The following NAV2 variants were observed in gnomAD, a reference collection of about 807,000 sequenced individuals.
NAV2 encodes neuron navigator 2.
In NAV2, 54 loss-of-function variants were observed where a neutral mutation model predicts 223.2. The observed-to-expected ratio is 0.24, with a 90% CI of 0.19 to 0.30. The LOEUF is 0.30. NAV2 is among the 10% of genes least tolerant of loss of function. The pLI is 1.00. For missense variants in NAV2, 2,806 were observed against 3,147.5 expected, an observed-to-expected ratio of 0.89 and a Z score of 2.60; for synonymous variants, 1,279 against 1,239.3, an observed-to-expected ratio of 1.03 and a Z score of -0.67.
At chr11:19,932,925 T>C (rs1460060737) in intron 6 of NAV2, among the ~76,000 whole-genome samples, 1 of 152,244 alleles carries the variant, frequency 6.6e-6, no homozygotes, top group Non-Finnish European at 1.5e-5. Context: ...TGTTAAGACC[T>C]GCATGCTTTC....
intron 3 of NAV2, among the ~76,000 whole-genome samples, chr11:19,849,649 T>C (rs955812252): frequency 6.6e-6 from 1 of 152,250 alleles, no homozygotes; most frequent in Non-Finnish European, 1.5e-5. Flanking sequence ...TCTGAGATCC[T>C]TGGGCAGCTG....
chr11:20,035,552 C>T (rs1398000264), intron 11 of NAV2, among the ~76,000 whole-genome samples: 2 of 152,088 alleles, frequency 1.3e-5, no homozygotes, highest in African/African-American at 4.8e-5. Context: ...TGCCCTCTGA[C>T]CCGACAGGTG....
intron 1 of NAV2, among the ~76,000 whole-genome samples, chr11:19,429,521 T>C (rs559094415): frequency 1.1e-3 from 161 of 152,272 alleles, no homozygotes; most frequent in African/African-American, 3.6e-3. Flanking sequence ...TCTTCTCTAA[T>C]AGGAGGAAGT....
At chr11:19,758,354 G>A (rs181899144) in intron 1 of NAV2, among the ~76,000 whole-genome samples, 234 of 152,326 alleles carry the variant, frequency 1.5e-3, no homozygotes, top group African/African-American at 5.3e-3. Context: ...TCTCTGAGGA[G>A]GGACTGTGTG....
chr11:19,724,076 A>G (rs2152382317), intron 1 of NAV2, among the ~76,000 whole-genome samples: 1 of 152,350 alleles, frequency 6.6e-6, no homozygotes, highest in Admixed American at 6.5e-5. Flanking sequence ...CTAGAGACTT[A>G]GGACATCTGA....
intron 1 of NAV2, among the ~76,000 whole-genome samples, chr11:19,620,470 C>T (rs1198598625): frequency 1.3e-5 from 2 of 152,080 alleles, no homozygotes; most frequent in African/African-American, 2.4e-5. Flanking sequence ...TGAAGAGGTC[C>T]TTCACATCCC....
chr11:19,660,046 CA>C (rs763330222), intron 1 of NAV2, among the ~76,000 whole-genome samples: 3 of 152,104 alleles, frequency 2.0e-5, no homozygotes, highest in Non-Finnish European at 4.4e-5. Context: ...TCCAGGCAAA[CA>C]ACTCTTGTTT....
intron 1 of NAV2, among the ~76,000 whole-genome samples, chr11:19,514,918 A>G (rs1245581548): frequency 6.6e-6 from 1 of 151,778 alleles, no homozygotes; most frequent in Admixed American, 6.6e-5. Context: ...CTAATCATCC[A>G]CCCTTCGTTT....
At chr11:19,479,852 G>T (rs1037611572) in intron 1 of NAV2, among the ~76,000 whole-genome samples, 1 of 152,122 alleles carries the variant, frequency 6.6e-6, no homozygotes, top group Non-Finnish European at 1.5e-5. Context: ...GTGCATGTGC[G>T]CACACACACT....
At chr11:19,816,883 G>T (rs1361714801) in intron 1 of NAV2, among the ~76,000 whole-genome samples, 1 of 152,142 alleles carries the variant, frequency 6.6e-6, no homozygotes, top group Non-Finnish European at 1.5e-5. Context: ...GGTGAAACCA[G>T]AGGAGGCTCC....
intron 1 of NAV2, among the ~76,000 whole-genome samples, chr11:19,425,283 G>A (rs558023095): frequency 6.6e-6 from 1 of 152,362 alleles, no homozygotes; most frequent in African/African-American, 2.4e-5. Context: ...TTGGAGAAGA[G>A]CAGAGCCAAT....
Position 20,051,312 on chromosome 11 carries a change from C to A in NAV2, c.4460C>A (p.Thr1487Asn). The A allele has an allele frequency of 6.2e-7, 1 of 1,614,154 alleles. No homozygotes were observed. The highest frequency in any genetic ancestry group is 8.5e-7 in the Non-Finnish European group (1 of 1,179,976). Reference protein sequence around the residue: ...QDSDPHLDRNTLPKKGLRYTP... With the variant: ...QDSDPHLDRNNLPKKGLRYTP... The stretch of plus-strand genomic sequence containing the variant: ...AGTGACCCGCACCTTGATAGGAACA[C>A]TTTGCCTAAGAAAGGACTCAGGTAT... Residue 1487 changes from threonine (T) to asparagine (N), a missense_variant, in exon 17 of 38, where the codon ACT (threonine) becomes AAT (asparagine). Thr to Asn is a moderately conservative substitution (Grantham distance 65). Coordinates refer to ENST00000349880, the MANE Select transcript of NAV2 (RefSeq NM_145117.5).
chr11:19,954,999 A>T (rs2047728822), intron 10 of NAV2, among the ~76,000 whole-genome samples: 2 of 151,248 alleles, frequency 1.3e-5, no homozygotes, highest in Admixed American at 6.6e-5. Flanking sequence ...GGGATAGGAA[A>T]GACAAAACCC....
At chr11:20,033,670 G>T (rs781211923) in intron 11 of NAV2, among the ~76,000 whole-genome samples, 2 of 152,190 alleles carry the variant, frequency 1.3e-5, no homozygotes, top group African/African-American at 4.8e-5. Context: ...CGATGTTCCA[G>T]GTTGGGTTTT....
chr11:20,006,604 G>C, intron 11 of NAV2, among the ~76,000 whole-genome samples: 1 of 152,124 alleles, frequency 6.6e-6, no homozygotes, highest in East Asian at 1.9e-4. Context: ...GAACCCGGGA[G>C]GCGGAGGTTG....
intron 22 of NAV2, among the ~76,000 whole-genome samples, chr11:20,070,504 A>T (rs111506524): frequency 5.1e-4 from 78 of 152,294 alleles, no homozygotes; most frequent in African/African-American, 1.7e-3. Flanking sequence ...TCAGAGTGAG[A>T]TCCCTTATAT....
At chr11:19,386,417 A>G (rs1211824560) in intron 1 of NAV2, among the ~76,000 whole-genome samples, 1 of 152,076 alleles carries the variant, frequency 6.6e-6, no homozygotes, top group Non-Finnish European at 1.5e-5. Context: ...CCCATCTCAT[A>G]TGGTTGATTT....
chr11:19,617,637 G>A (rs2046839104), intron 1 of NAV2, among the ~76,000 whole-genome samples: 1 of 152,216 alleles, frequency 6.6e-6, no homozygotes, highest in African/African-American at 2.4e-5. Context: ...ATGGTAAAGT[G>A]TGAGGGTACC....
At chr11:19,606,565 T>G (rs1010748323) in intron 1 of NAV2, among the ~76,000 whole-genome samples, 4 of 152,164 alleles carry the variant, frequency 2.6e-5, no homozygotes, top group Middle Eastern at 3.2e-3. Context: ...TCCTTGCCTT[T>G]CCTCTTGCTG....
Sources: allele counts gnomAD v4.1 joint callset (sites outside exome capture counted in the v4.1 genomes callset), GRCh38; gene constraint gnomAD v4.1.1; transcripts MANE v1.5; gene names NCBI Gene and HGNC (gene_info 2026-07-23, HGNC 2026-07-21).